NWD2: variants seen among roughly 807,000 people sequenced by gnomAD.
NWD2 encodes the protein NACHT and WD repeat domain-containing protein 2.
A neutral mutation model predicts 132.7 loss-of-function variants in NWD2; 37 were observed. That is an observed-to-expected ratio of 0.28 (90% CI 0.21 to 0.37). NWD2 has a LOEUF of 0.37. Ranked by LOEUF, NWD2 falls within the 10% of genes least tolerant of loss-of-function variation. The pLI is 1.00. For missense variants in NWD2, 1,592 were observed against 2,122.4 expected (o/e 0.75, Z 4.91); for synonymous variants, 705 against 803.0 (o/e 0.88, Z 2.06).
intron 1 of NWD2, among the ~76,000 whole-genome samples, chr4:37,251,051 G>A (rs1717348705): frequency 1.3e-5 from 2 of 152,328 alleles, no homozygotes; most frequent in Admixed American, 6.5e-5. Context: ...AAGGTGAGTG[G>A]GCGGATCACT....
At chr4:37,431,868 C>T (rs1228827709) in intron 4 of NWD2, among the ~76,000 whole-genome samples, 1 of 152,010 alleles carries the variant, frequency 6.6e-6, no homozygotes, top group Non-Finnish European at 1.5e-5. Context: ...TTTATAAGTT[C>T]CATCAATGAA....
At chr4:37,359,365 T>C (rs989446268) in intron 3 of NWD2, among the ~76,000 whole-genome samples, 1 of 152,086 alleles carries the variant, frequency 6.6e-6, no homozygotes, top group Non-Finnish European at 1.5e-5. Context: ...ACACAAGGCT[T>C]GTATCTCACA....
At chr4:37,345,137 A>G (rs1719610158) in intron 2 of NWD2, among the ~76,000 whole-genome samples, 1 of 152,130 alleles carries the variant, frequency 6.6e-6, no homozygotes, top group African/African-American at 2.4e-5. Context: ...GACATTTGCA[A>G]TATTTCTGTA....
chr4:37,391,367 C>A (rs1011218065), intron 3 of NWD2, among the ~76,000 whole-genome samples: 1 of 152,154 alleles, frequency 6.6e-6, no homozygotes, highest in Non-Finnish European at 1.5e-5. Flanking sequence ...TGCCTGCAGG[C>A]AGCTAGCTGG....
intron 6 of NWD2, among the ~76,000 whole-genome samples, chr4:37,442,872 C>T (rs1014467912): frequency 1.3e-5 from 2 of 151,590 alleles, no homozygotes; most frequent in African/African-American, 2.4e-5. Flanking sequence ...ATTACTTATC[C>T]ATTCATTAAA....
chr4:37,261,721 A>G (rs1414749686), intron 1 of NWD2, among the ~76,000 whole-genome samples: 1 of 152,236 alleles, frequency 6.6e-6, no homozygotes, highest in Non-Finnish European at 1.5e-5. Flanking sequence ...TACAAAATCA[A>G]TTAAAATATT....
Position 37,253,005 on chromosome 4 carries a change from C to T in NWD2, c.151+7787C>T, listed in dbSNP as rs13435696. Among the ~76,000 whole-genome samples the T allele has an allele frequency of 2.2e-4, 33 of 151,426 alleles. 1 individual carries two copies. In the South Asian group the frequency reaches 6.9e-3, roughly 32 times the overall value. ...CTGACTTTAAAAATTACCACAACCC[C>T]CCCCCCTTATGTTTTGCAGTTTCTT... On this transcript the variant is annotated intron_variant, in intron 1 of 6. Coordinates refer to ENST00000309447, the MANE Select transcript of NWD2 (RefSeq NM_001144990.2).
intron 2 of NWD2, among the ~76,000 whole-genome samples, chr4:37,334,346 A>T (rs1719355399): frequency 6.6e-6 from 1 of 151,854 alleles, no homozygotes; most frequent in African/African-American, 2.4e-5. Context: ...TTCGTTTTCA[A>T]CTCTTCCCCA....
At chr4:37,309,346 C>T (rs1033127880) in intron 1 of NWD2, among the ~76,000 whole-genome samples, 20 of 152,100 alleles carry the variant, frequency 1.3e-4, no homozygotes, top group Non-Finnish European at 2.1e-4. Context: ...TGAAGATGGC[C>T]TCCCTGATAT....
At chr4:37,402,911 G>T (rs1720924748) in intron 3 of NWD2, among the ~76,000 whole-genome samples, 1 of 152,154 alleles carries the variant, frequency 6.6e-6, no homozygotes. Context: ...TTGATGCGTT[G>T]TTTTTCATAG....
At chr4:37,254,063 G>A (rs1431881821) in intron 1 of NWD2, among the ~76,000 whole-genome samples, 1 of 152,192 alleles carries the variant, frequency 6.6e-6, no homozygotes, top group Non-Finnish European at 1.5e-5. Flanking sequence ...GTGGAGACTG[G>A]GAGGAGGAAG....
intron 1 of NWD2, among the ~76,000 whole-genome samples, chr4:37,250,284 A>G (rs892127506): frequency 6.6e-6 from 1 of 152,170 alleles, no homozygotes; most frequent in Non-Finnish European, 1.5e-5. Context: ...ATTTAGAGTA[A>G]ATGAGTTCTA....
intron 1 of NWD2, among the ~76,000 whole-genome samples, chr4:37,254,245 C>CT (rs1209808225): frequency 1.3e-5 from 2 of 152,148 alleles, no homozygotes; most frequent in East Asian, 1.9e-4. Context: ...TGTTGAAATA[C>CT]TAAAAGTTCC....
At chr4:37,345,442 G>A (rs1719615330) in intron 2 of NWD2, among the ~76,000 whole-genome samples, 1 of 151,934 alleles carries the variant, frequency 6.6e-6, no homozygotes, top group Non-Finnish European at 1.5e-5. Context: ...CTTTTGATTT[G>A]TACTTACTGA....
chr4:37,276,972 C>CAGGAA (rs1459859378), intron 1 of NWD2, among the ~76,000 whole-genome samples: 3 of 150,460 alleles, frequency 2.0e-5, no homozygotes, highest in African/African-American at 7.3e-5. Flanking sequence ...CATCACACAC[C>CAGGAA]GGGGCCTGTT....
At chr4:37,291,797 T>C (rs1350076201) in intron 1 of NWD2, among the ~76,000 whole-genome samples, 3 of 152,200 alleles carry the variant, frequency 2.0e-5, no homozygotes, top group African/African-American at 4.8e-5. Context: ...AGACCAGTTA[T>C]ATACATCCAC....
chr4:37,409,028 AG>A (rs1721101070), intron 3 of NWD2, among the ~76,000 whole-genome samples: 2 of 152,322 alleles, frequency 1.3e-5, no homozygotes, highest in South Asian at 2.1e-4. Context: ...GACCAAAGGT[AG>A]GTAAATCCAC....
chr4:37,260,818 C>A (rs909982322), intron 1 of NWD2, among the ~76,000 whole-genome samples: 6 of 151,914 alleles, frequency 3.9e-5, no homozygotes, highest in African/African-American at 1.5e-4. Flanking sequence ...GAGTGTGAAC[C>A]CTTGGATAGA....
At chr4:37,397,731 C>T (rs542246750) in intron 3 of NWD2, among the ~76,000 whole-genome samples, 1 of 152,258 alleles carries the variant, frequency 6.6e-6, no homozygotes, top group South Asian at 2.1e-4. Context: ...AAGGAAATTT[C>T]TCGCCAGTAC....
Sources: allele counts gnomAD v4.1 joint callset (sites outside exome capture counted in the v4.1 genomes callset), GRCh38; gene constraint gnomAD v4.1.1; transcripts MANE v1.5; gene names NCBI Gene and HGNC (gene_info 2026-07-23, HGNC 2026-07-21).